The following DNAH12 variants were observed in gnomAD, a reference collection of about 807,000 sequenced individuals.
The protein encoded by DNAH12 is dynein axonemal heavy chain 12.
In DNAH12, 285 loss-of-function variants were observed where a neutral mutation model predicts 371.5. The observed-to-expected ratio is 0.77, with a 90% CI of 0.70 to 0.85. DNAH12 has a LOEUF of 0.85. DNAH12 is among the 40% of genes least tolerant of loss of function. The pLI, the probability that DNAH12 is intolerant of heterozygous loss-of-function variation, is 0.00. For missense variants in DNAH12, 3,611 were observed against 3,689.4 expected (o/e 0.98, Z 0.55); for synonymous variants, 1,200 against 1,213.0 (o/e 0.99, Z 0.22).
upstream of DNAH12, among the ~76,000 whole-genome samples, chr3:57,549,148 A>AC (rs1442952279): frequency 1.3e-5 from 2 of 152,006 alleles, no homozygotes; most frequent in Non-Finnish European, 2.9e-5. Context: ...TTATGGCTGC[A>AC]CTTGTGAATA....
intron 49 of DNAH12, among the ~76,000 whole-genome samples, chr3:57,383,936 G>C (rs917778990): frequency 1.3e-5 from 2 of 152,046 alleles, no homozygotes; most frequent in East Asian, 3.9e-4. Context: ...ATCAGAGTTC[G>C]ATCCTGTGAG....
chr3:57,469,160 T>A (rs73078558), intron 16 of DNAH12, among the ~76,000 whole-genome samples, 181 bp from the exon 17 acceptor site: 28,470 of 152,124 alleles, frequency 0.19, 3,246 homozygotes, highest in African/African-American at 0.32. Context: ...AAAATAATCA[T>A]TTTGACTATG....
chr3:57,378,951 C>T (rs2153340681), intron 52 of DNAH12, among the ~76,000 whole-genome samples: 1 of 152,290 alleles, frequency 6.6e-6, no homozygotes, highest in East Asian at 1.9e-4. Flanking sequence ...GCATCACTAC[C>T]ACCCACACCA....
chr3:57,507,656 A>T lies in DNAH12; in HGVS notation c.884T>A (p.Leu295His). ...LDAFYSCVST[L>H]MSNQLKDLLR... ...AAGTGTATGTACCTGATTTGACATA[A>T]GTGTGGAAACACAGCTATAAAATGC... The change falls in exon 8 of 74, where the codon CTT (leucine) becomes CAT (histidine). Residue 295 changes from leucine (L) to histidine (H), a missense_variant. This residue lies in a region of DNAH12 where 1,314 missense variants were observed against 1,398.7 expected (regional missense o/e 0.94). Transcript: ENST00000495027. The T allele has an allele frequency of 1.2e-6, 2 of 1,601,100 alleles. No individual in the cohort carries two copies. The highest frequency in any genetic ancestry group is 1.1e-5 in the South Asian group (1 of 87,724).
the DNAH12 span, among the ~76,000 whole-genome samples, chr3:57,551,459 G>A: frequency 6.6e-6 from 1 of 151,832 alleles, no homozygotes; most frequent in East Asian, 2.0e-4. Context: ...TATTAGTAGA[G>A]ACGGGGTTTC....
chr3:57,421,568 A>G lies in DNAH12; in HGVS notation c.5512T>C (p.Trp1838Arg). 1 of 1,551,562 alleles carries G rather than the reference A, an allele frequency of 6.4e-7. No homozygotes were observed. The highest frequency in any genetic ancestry group is 8.7e-7 in the Non-Finnish European group (1 of 1,146,962). The change falls in exon 36 of 74, where the codon TGG becomes CGG. Residue 1838 changes from tryptophan (W) to arginine (R), a missense_variant. Around this residue, in one of 3 missense-constraint regions of DNAH12, gnomAD observed 2,266 missense variants for 2,236.9 expected, o/e 1.01. Transcript: ENST00000495027. The part of the protein sequence containing the change: ...ENPVPDSVGK[W>R]ECPFDEKGLV... The stretch of plus-strand genomic sequence containing the variant: ...CCTTTTTCATCAAATGGGCATTCCC[A>G]TTTACCCACAGAATCTGGCACTGGG...
Position 57,457,814 on chromosome 3 carries a change from C to T in DNAH12, c.3243G>A (p.Thr1081=), listed in dbSNP as rs986749500. The change falls in exon 22 of 74, where the codon ACG becomes ACA. Residue 1081 remains threonine (T), a synonymous_variant. Transcript: ENST00000495027. ...TTTCCACAGCACCCCGCGCTGCAGA[C>T]GTGGAAATGAGTGCAATCAGCTCCA... is the stretch of plus-strand genomic sequence containing the variant. ...ERVELIALIS[T]SAARGAVEKW... 9.7e-6 allele frequency: 15 copies of T among 1,551,424 alleles called. No homozygotes were observed. Among genetic ancestry groups the T allele is most frequent in the African/African-American group, 6.8e-5 (5 of 73,000 alleles).
chr3:57,458,277 T>C, intron 20 of DNAH12, 57 bp from the exon 21 acceptor site: 4 of 1,493,268 alleles, frequency 2.7e-6, no homozygotes, highest in Non-Finnish European at 3.6e-6. Flanking sequence ...AATTATGACT[T>C]AAATATCAAT....
intron 37 of DNAH12, among the ~76,000 whole-genome samples, chr3:57,417,622 T>C (rs2153358727): frequency 6.6e-6 from 1 of 152,330 alleles, no homozygotes; most frequent in African/African-American, 2.4e-5. Flanking sequence ...GTAGCAATTG[T>C]ATGAATAGTA....
chr3:57,326,250 A>G (rs1187392452), intron 62 of DNAH12, among the ~76,000 whole-genome samples: 1 of 151,998 alleles, frequency 6.6e-6, no homozygotes, highest in Non-Finnish European at 1.5e-5. Context: ...TCCAAGACAC[A>G]TAATTGTCAG....
chr3:57,496,338 T>C (rs759778142), intron 11 of DNAH12, among the ~76,000 whole-genome samples: 2 of 152,028 alleles, frequency 1.3e-5, no homozygotes, highest in Non-Finnish European at 2.9e-5. Flanking sequence ...TAATTCAAGT[T>C]TATCCCAGGA....
rs983663648 is a variant in DNAH12 at position 57,509,633 on chromosome 3, G to T, written c.470-421C>A. On this transcript the variant is annotated intron_variant, in intron 5 of 73. Coordinates refer to ENST00000495027, the MANE Select transcript of DNAH12 (RefSeq NM_001366028.2). Reference sequence around the variant, plus strand: ...TTCCAGCACTTTGAGAAGCCAAGGAGGGCAGATCACCTGAGGTCAGGAGTT... The same window carrying T: ...TTCCAGCACTTTGAGAAGCCAAGGATGGCAGATCACCTGAGGTCAGGAGTT... 2.0e-5 allele frequency among the ~76,000 whole-genome samples: 3 copies of T among 151,894 alleles called. No individual in the cohort carries two copies. The East Asian group carries it at 5.8e-4, about 29-fold the overall frequency.
At chr3:57,434,952 G>A (rs142139041) in intron 30 of DNAH12, among the ~76,000 whole-genome samples, 131 of 152,278 alleles carry the variant, frequency 8.6e-4, no homozygotes, top group Middle Eastern at 3.4e-3. Context: ...AATGTATCAA[G>A]TTATTCTCAT....
At chr3:57,435,373 C>CAAAAAAAAAAAAAAAAAAAAAAAAAAAA (rs34515598) in intron 30 of DNAH12, among the ~76,000 whole-genome samples, 2 of 94,742 alleles carry the variant, frequency 2.1e-5, no homozygotes, top group Non-Finnish European at 4.0e-5. Context: ...CTCTGTCTCC[C>CAAAAAAAAAAAAAAAAAAAAAAAAAAAA]AAAAAAAAAA....
At chr3:57,409,402 C>T (rs2064135661) in intron 39 of DNAH12, among the ~76,000 whole-genome samples, 1 of 152,072 alleles carries the variant, frequency 6.6e-6, no homozygotes, top group South Asian at 2.1e-4. Context: ...ATTACGGTGA[C>T]ATCCACATAA....
intron 13 of DNAH12, among the ~76,000 whole-genome samples, chr3:57,476,212 A>C (rs1226740338): frequency 6.6e-6 from 1 of 152,174 alleles, no homozygotes; most frequent in African/African-American, 2.4e-5. Context: ...AACTATATTG[A>C]TTAGAAATGC....
At chr3:57,509,109 T>C in intron 6 of DNAH12, 31 bp downstream of exon 6, 1 of 1,565,300 alleles carries the variant, frequency 6.4e-7, no homozygotes, top group Non-Finnish European at 8.7e-7. Context: ...AAAAATTGGA[T>C]GAAGTACTGT....
chr3:57,423,035 G>A (rs1294875503), intron 35 of DNAH12, among the ~76,000 whole-genome samples: 3 of 151,936 alleles, frequency 2.0e-5, no homozygotes, highest in African/African-American at 7.3e-5. Flanking sequence ...ATAGGGCACC[G>A]GCAATATTAG....
intron 52 of DNAH12, among the ~76,000 whole-genome samples, chr3:57,377,925 G>C (rs902178656): frequency 2.0e-5 from 3 of 152,100 alleles, no homozygotes; most frequent in Admixed American, 2.0e-4. Context: ...CTGTTAGAAA[G>C]AAGATAGACC....
Sources: gnomAD v4.1 joint callset for allele counts (sites outside exome capture counted in the v4.1 genomes callset) on GRCh38, gnomAD v4.1.1 for gene constraint, gnomAD v4.1.1 regional missense constraint, MANE v1.5 for transcripts, NCBI Gene and HGNC (gene_info 2026-07-23, HGNC 2026-07-21) for gene names.